STK32B: variants seen among roughly 807,000 people sequenced by gnomAD.
STK32B encodes serine/threonine kinase 32B.
In STK32B, 43 loss-of-function variants were observed where a neutral mutation model predicts 52.6. That is an observed-to-expected ratio of 0.82 (90% confidence interval 0.64 to 1.05). The LOEUF is 1.05. STK32B is among the 50% of genes least tolerant of loss of function. STK32B has a pLI of 0.00. For synonymous variants in STK32B, 238 were observed against 204.3 expected, an observed-to-expected ratio of 1.17 and a Z score of -1.41; for missense variants, 621 against 534.6, an observed-to-expected ratio of 1.16 and a Z score of -1.59.
rs1029327283 is a variant in STK32B, at chr4:5,262,592, T to C, written c.261-68628T>C. Among the ~76,000 whole-genome samples the C allele has an allele frequency of 3.9e-3, 576 of 146,422 alleles. 3 individuals are homozygous for C. Among genetic ancestry groups the C allele is most frequent in the African/African-American group, 0.013 (519 of 39,186 alleles). On this transcript the variant is annotated intron_variant, in intron 3 of 11. Coordinates refer to ENST00000282908, the MANE Select transcript of STK32B (RefSeq NM_018401.3). ...GTGAGCAGGGATCGTGCCACTGCAC[T>C]CCAGCCTGGGCGACAGAGCGAGACT...
chr4:5,119,696 G>C (rs1437915371), intron 1 of STK32B, among the ~76,000 whole-genome samples: 1 of 152,112 alleles, frequency 6.6e-6, no homozygotes, highest in African/African-American at 2.4e-5. Context: ...AATTAAATAA[G>C]GACACTTTTA....
At chr4:5,442,152 G>T (rs1390548294) in intron 6 of STK32B, among the ~76,000 whole-genome samples, 2 of 121,934 alleles carry the variant, frequency 1.6e-5, no homozygotes, top group Non-Finnish European at 3.4e-5. Flanking sequence ...CAATTCCTGG[G>T]TATCCTTGTT....
intron 3 of STK32B, among the ~76,000 whole-genome samples, chr4:5,273,858 G>A (rs1294742771): frequency 4.3e-5 from 5 of 117,598 alleles, no homozygotes; most frequent in African/African-American, 1.6e-4. Flanking sequence ...GGGGGAGGGG[G>A]GAGGGATAGC....
chr4:5,215,904 T>TG (rs1723156005), intron 3 of STK32B, among the ~76,000 whole-genome samples: 3 of 152,184 alleles, frequency 2.0e-5, no homozygotes, highest in Admixed American at 6.5e-5. Flanking sequence ...GTGCCTGTGG[T>TG]GGTCTGCTCA....
At chr4:5,293,522 G>T (rs1035073408) in intron 3 of STK32B, among the ~76,000 whole-genome samples, 14 of 152,098 alleles carry the variant, frequency 9.2e-5, no homozygotes, top group African/African-American at 3.4e-4. Flanking sequence ...GTTTTGATTT[G>T]TATTTCTCTA....
Position 5,460,286 on chromosome 4 carries a change from G to A in STK32B, c.909+58G>A, listed in dbSNP as rs1716934826. 2 of 1,556,386 alleles carry A rather than the reference G, an allele frequency of 1.3e-6. No individual in the cohort carries two copies. The highest frequency in any genetic ancestry group is 1.7e-6 in the Non-Finnish European group (2 of 1,151,532). Reference sequence around the variant, plus strand: ...CCCTCTGCAGGGTCCCCGCCTTGGTGCAAAGCAAGACTTTGGCAGCTGGCT... The same window carrying A: ...CCCTCTGCAGGGTCCCCGCCTTGGTACAAAGCAAGACTTTGGCAGCTGGCT... On this transcript the variant is annotated intron_variant, in intron 9 of 11. Coordinates refer to ENST00000282908, the MANE Select transcript of STK32B (RefSeq NM_018401.3). The surrounding 1 kb of genome is among the most constrained non-coding windows in gnomAD (Gnocchi z 4.8).
intron 1 of STK32B, among the ~76,000 whole-genome samples, chr4:5,103,248 C>T (rs990809123): frequency 1.3e-5 from 2 of 151,960 alleles, no homozygotes; most frequent in Non-Finnish European, 1.5e-5. Flanking sequence ...CCTCAGCTTA[C>T]GAAGTGAAAC....
chr4:5,214,521 A>G (rs1723077902), intron 3 of STK32B, among the ~76,000 whole-genome samples: 1 of 152,052 alleles, frequency 6.6e-6, no homozygotes, highest in South Asian at 2.1e-4. Flanking sequence ...GTCCCCAGGC[A>G]CCTTCAGTGC....
intron 1 of STK32B, among the ~76,000 whole-genome samples, chr4:5,076,586 G>A (rs539422338): frequency 6.6e-6 from 1 of 152,066 alleles, no homozygotes; most frequent in South Asian, 2.1e-4. Context: ...TTTTTTCACC[G>A]ACTAGTAAAT....
chr4:5,333,430 C>G (rs1271979481), intron 4 of STK32B, among the ~76,000 whole-genome samples: 1 of 152,096 alleles, frequency 6.6e-6, no homozygotes, highest in Non-Finnish European at 1.5e-5. Flanking sequence ...TGTAGGTTGC[C>G]TGTTCACTCT....
chr4:5,189,660 T>A (rs1250496131), intron 3 of STK32B, among the ~76,000 whole-genome samples: 1 of 152,194 alleles, frequency 6.6e-6, no homozygotes, highest in African/African-American at 2.4e-5. Flanking sequence ...TCAACTCCTT[T>A]GCATAAATAC....
Position 5,475,340 on chromosome 4 carries a change from G to A in STK32B, c.1106+7270G>A, listed in dbSNP as rs370518938. ...CTCAGGAGGCTGAGGCAGGAGAATC[G>A]CTTGAACCCGAGAGGCGGAGGTTGC... On this transcript the variant is annotated intron_variant, in intron 11 of 11. Transcript: ENST00000282908. 5.4e-5 allele frequency among the ~76,000 whole-genome samples: 8 copies of A among 148,994 alleles called. 1 individual carries two copies. In the South Asian group the frequency reaches 8.5e-4, roughly 16 times the overall value.
chr4:5,099,284 A>G (rs527702307), intron 1 of STK32B, among the ~76,000 whole-genome samples: 11 of 152,236 alleles, frequency 7.2e-5, no homozygotes, highest in Admixed American at 2.6e-4. Flanking sequence ...CCTCAATTCC[A>G]TCTGCAACCT....
intron 3 of STK32B, among the ~76,000 whole-genome samples, chr4:5,288,043 A>G (rs1434432284): frequency 6.6e-6 from 1 of 152,180 alleles, no homozygotes; most frequent in Non-Finnish European, 1.5e-5. Context: ...TTCATTCATC[A>G]TAATGTTTTC....
chr4:5,276,393 G>A (rs931509522), intron 3 of STK32B, among the ~76,000 whole-genome samples: 17 of 152,142 alleles, frequency 1.1e-4, no homozygotes, highest in Non-Finnish European at 1.8e-4. Context: ...GGGGAGGTCA[G>A]CAAGGGGCCC....
At chr4:5,352,491 C>T (rs1327925045) in intron 4 of STK32B, among the ~76,000 whole-genome samples, 1 of 151,884 alleles carries the variant, frequency 6.6e-6, no homozygotes, top group Non-Finnish European at 1.5e-5. Flanking sequence ...TAACATCATA[C>T]TGAATGGGGC....
chr4:5,125,691 T>C (rs1010825323), intron 1 of STK32B, among the ~76,000 whole-genome samples: 1 of 152,190 alleles, frequency 6.6e-6, no homozygotes, highest in Non-Finnish European at 1.5e-5. Context: ...CTCTCTACTC[T>C]CATCCCCGCA....
chr4:5,135,729 G>A (rs746661041), intron 1 of STK32B, among the ~76,000 whole-genome samples: 4 of 152,254 alleles, frequency 2.6e-5, no homozygotes, highest in East Asian at 1.9e-4. Flanking sequence ...CAGATATCAC[G>A]TCCACATTGA....
rs1485273744 is a variant in STK32B at position 5,399,408 on chromosome 4, G to A, written c.472+1164G>A. Among the ~76,000 whole-genome samples the A allele has an allele frequency of 6.6e-6, 1 of 152,108 alleles. No individual in the cohort carries two copies. The highest frequency in any genetic ancestry group is 1.5e-5 in the Non-Finnish European group (1 of 68,024). ...GCTTGGGGCATCCTAACCTCATAGT[G>A]TGCATCCCTATGTACAGGAGTGGTG... On this transcript the variant is annotated intron_variant, in intron 5 of 11. Transcript: ENST00000282908. The surrounding 1 kb of genome is among the most constrained non-coding windows in gnomAD (Gnocchi z 5.4).
Sources: allele counts gnomAD v4.1 joint callset (sites outside exome capture counted in the v4.1 genomes callset), GRCh38; gene constraint gnomAD v4.1.1; non-coding constraint Gnocchi (gnomAD v3.1); transcripts MANE v1.5; gene names NCBI Gene and HGNC (gene_info 2026-07-23, HGNC 2026-07-21).